CAST: variants seen among roughly 807,000 people sequenced by gnomAD.
The protein encoded by CAST is MIR583 host.
CAST carries 76 observed loss-of-function variants against 119.6 expected under a neutral mutation model. That is an observed-to-expected ratio of 0.64 (90% confidence interval 0.53 to 0.77). CAST has a LOEUF of 0.77. CAST is among the 30% of genes least tolerant of loss of function. The pLI, the probability that CAST is intolerant of heterozygous loss-of-function variation, is 0.00. For synonymous variants in CAST, 319 were observed against 331.6 expected, an observed-to-expected ratio of 0.96 and a Z score of 0.41; for missense variants, 953 against 946.5, an observed-to-expected ratio of 1.01 and a Z score of -0.09.
At chr5:96,353,178 A>T in the CAST span, among the ~76,000 whole-genome samples, 2 of 152,184 alleles carry the variant, frequency 1.3e-5, no homozygotes, top group Admixed American at 6.6e-5. Context: ...AAAAACCAAG[A>T]CTTACTTTAT....
At chr5:96,056,912 C>A in the CAST span, among the ~76,000 whole-genome samples, 3 of 152,074 alleles carry the variant, frequency 2.0e-5, no homozygotes, top group Non-Finnish European at 4.4e-5. Context: ...GGCTTGGACA[C>A]TATTACAAAA....
At chr5:96,541,855 A>T (rs1341555808) in intron 1 of CAST, among the ~76,000 whole-genome samples, 1 of 152,200 alleles carries the variant, frequency 6.6e-6, no homozygotes, top group African/African-American at 2.4e-5. Context: ...ACCAGAGTTT[A>T]TCTGCTCATC....
intron 24 of CAST, chr5:96,761,418 G>A (rs1767912612): frequency 6.6e-6 from 1 of 152,086 alleles, no homozygotes; most frequent in African/African-American, 2.4e-5. Context: ...TGGACAATAA[G>A]TATCTTATAG....
chr5:96,771,265 TAGAA>T (rs1306565667), intron 30 of CAST, among the ~76,000 whole-genome samples: 2 of 152,146 alleles, frequency 1.3e-5, no homozygotes, highest in African/African-American at 2.4e-5. Context: ...TAACAAATAA[TAGAA>T]AGCATAATAA....
At chr5:96,027,889 G>A in the CAST span, among the ~76,000 whole-genome samples, 1 of 152,092 alleles carries the variant, frequency 6.6e-6, no homozygotes, top group Admixed American at 6.6e-5. Context: ...CTGCCTGTTA[G>A]AAGATGGAGA....
the CAST span, among the ~76,000 whole-genome samples, chr5:96,482,590 T>C: frequency 8.6e-5 from 13 of 151,844 alleles, no homozygotes; most frequent in Non-Finnish European, 1.3e-4. Flanking sequence ...TGTAGTAAAA[T>C]ATTTTGCAAT....
At chr5:96,660,436 T>A (rs79486241), upstream of CAST, among the ~76,000 whole-genome samples, 1 of 152,252 alleles carries the variant, frequency 6.6e-6, no homozygotes, top group South Asian at 2.1e-4. Flanking sequence ...TTAATCTCTA[T>A]ATCTCTCCTT....
chr5:96,457,358 A>G, the CAST span, among the ~76,000 whole-genome samples: 2 of 152,218 alleles, frequency 1.3e-5, no homozygotes, highest in Non-Finnish European at 2.9e-5. Flanking sequence ...TCTGCCCTCA[A>G]CACAACAGTC....
At chr5:96,572,376 T>G (rs1746586937) in intron 1 of CAST, among the ~76,000 whole-genome samples, 1 of 152,156 alleles carries the variant, frequency 6.6e-6, no homozygotes, top group Admixed American at 6.5e-5. Flanking sequence ...AATTTTTGTA[T>G]TTTTGGTAGA....
At chr5:96,665,974 AAC>A (rs1749288226) in intron 1 of CAST, among the ~76,000 whole-genome samples, 1 of 152,216 alleles carries the variant, frequency 6.6e-6, no homozygotes, top group Admixed American at 6.5e-5. Context: ...TACAGATATA[AAC>A]ACAGATATCG....
the CAST span, among the ~76,000 whole-genome samples, chr5:96,299,249 A>AAACAACAAC: frequency 6.7e-6 from 1 of 149,284 alleles, no homozygotes; most frequent in East Asian, 2.0e-4. Flanking sequence ...CTCAGTCTCA[A>AAACAACAAC]AACAACAACA....
the CAST span, among the ~76,000 whole-genome samples, chr5:96,014,195 AAC>A: frequency 6.6e-6 from 1 of 150,790 alleles, no homozygotes; most frequent in Non-Finnish European, 1.5e-5. Flanking sequence ...CTAAGACATG[AAC>A]ACACACATTA....
chr5:96,341,397 G>A, the CAST span, among the ~76,000 whole-genome samples: 1 of 131,178 alleles, frequency 7.6e-6, no homozygotes, highest in Non-Finnish European at 1.5e-5. Flanking sequence ...ACAAATCAGT[G>A]TATAACTCAC....
chr5:96,148,991 T>A, the CAST span, among the ~76,000 whole-genome samples: 1 of 152,268 alleles, frequency 6.6e-6, no homozygotes, highest in African/African-American at 2.4e-5. Flanking sequence ...GAAACTGTTA[T>A]ATTTGTGTTT....
intron 1 of CAST, among the ~76,000 whole-genome samples, chr5:96,568,717 A>G (rs1211840129): frequency 1.3e-5 from 2 of 151,196 alleles, no homozygotes; most frequent in South Asian, 4.2e-4. Flanking sequence ...TTTTGTTTTC[A>G]TGGGAATATT....
the CAST span, among the ~76,000 whole-genome samples, chr5:96,173,100 T>C: frequency 6.6e-6 from 1 of 152,232 alleles, no homozygotes; most frequent in Admixed American, 6.5e-5. Flanking sequence ...AGATACCGAC[T>C]GGCTGGGAAG....
rs534182807 is a variant in CAST, at chr5:96,688,465, A to C, written c.139-7371A>C. On this transcript the variant is annotated intron_variant, in intron 2 of 31. Coordinates refer to ENST00000675179, the MANE Select transcript of CAST (RefSeq NM_001750.7). ...ATTTATCATAGCTTTATTTATAATA[A>C]CAACAAACTAAGAAGGAAACACCTG... Among the ~76,000 whole-genome samples, 246 of 152,314 alleles carry C rather than the reference A, an allele frequency of 1.6e-3. 1 individual carries two copies. Among genetic ancestry groups the C allele is most frequent in the African/African-American group, 5.6e-3 (234 of 41,570 alleles).
chr5:95,962,828 A>G, the CAST span, among the ~76,000 whole-genome samples: 35 of 152,166 alleles, frequency 2.3e-4, no homozygotes, highest in Non-Finnish European at 4.7e-4. Context: ...TGTCCTTTTT[A>G]TTTGATAGGG....
rs1222990154 is a variant in CAST at position 96,773,730 on chromosome 5, T to C, written c.*1114T>C. 6.6e-6 allele frequency: 1 copy of C among 152,316 alleles called. No individual in the cohort carries two copies. Among genetic ancestry groups the C allele is most frequent in the Non-Finnish European group, 1.5e-5 (1 of 68,030 alleles). The allele number at this position is 152,316 out of a possible 1,614,324, so 9.4% of individuals were successfully genotyped here. A position where few individuals can be genotyped will look rare whatever the true frequency, so the allele number is the denominator to read the frequency against. On this transcript the variant is annotated 3_prime_UTR_variant, in exon 32 of 32. Transcript: ENST00000675179. ...ATAGTTCCTGAACATTGCACTGATA[T>C]CATCGATTAGAATTTTGATATTTAA...
Sources: gnomAD v4.1 joint callset for allele counts (sites outside exome capture counted in the v4.1 genomes callset) on GRCh38, gnomAD v4.1.1 for gene constraint, MANE v1.5 for transcripts, NCBI Gene and HGNC (gene_info 2026-07-23, HGNC 2026-07-21) for gene names.